The following TIAM1 variants were observed in gnomAD, a reference collection of about 807,000 sequenced individuals.
The protein encoded by TIAM1 is rho guanine nucleotide exchange factor TIAM1.
In TIAM1, 65 loss-of-function variants were observed where a neutral mutation model predicts 163.5. The observed-to-expected ratio is 0.40, with a 90% CI of 0.33 to 0.49. The LOEUF (loss-of-function observed/expected upper bound fraction) is 0.49. Among genes scored for constraint, TIAM1 ranks in the 20% least tolerant of loss-of-function variants. The pLI, the probability that TIAM1 is intolerant of heterozygous loss-of-function variation, is 0.77. For missense variants in TIAM1, 1,789 were observed against 2,044.7 expected (o/e 0.87, Z 2.41); for synonymous variants, 833 against 810.1 (o/e 1.03, Z -0.48).
chr21:31,504,149 G>C (rs531553523), intron 1 of TIAM1, among the ~76,000 whole-genome samples: 1 of 152,324 alleles, frequency 6.6e-6, no homozygotes, highest in Non-Finnish European at 1.5e-5. Flanking sequence ...CTGGCATGCT[G>C]TCTGTCTTGA....
chr21:31,284,549 C>T (rs763195942), intron 2 of TIAM1, among the ~76,000 whole-genome samples: 3 of 151,918 alleles, frequency 2.0e-5, no homozygotes, highest in Non-Finnish European at 4.4e-5. Flanking sequence ...GATGGAGTCT[C>T]GCTCTGTCAC....
intron 6 of TIAM1, among the ~76,000 whole-genome samples, chr21:31,240,538 T>G (rs1017866596): frequency 6.6e-6 from 1 of 152,124 alleles, no homozygotes; most frequent in Non-Finnish European, 1.5e-5. Flanking sequence ...CATTCCAAGG[T>G]AGATCTCTAC....
chr21:31,514,470 G>A (rs2047314098), intron 1 of TIAM1, among the ~76,000 whole-genome samples: 1 of 150,298 alleles, frequency 6.7e-6, no homozygotes, highest in Non-Finnish European at 1.5e-5. Flanking sequence ...CTGGGGTCAG[G>A]AGTTTGAGAC....
intron 2 of TIAM1, among the ~76,000 whole-genome samples, chr21:31,290,424 C>T (rs1022305299): frequency 6.6e-6 from 1 of 151,542 alleles, no homozygotes; most frequent in Non-Finnish European, 1.5e-5. Flanking sequence ...ACTTGAGGTC[C>T]GGAGTTCAAG....
At chr21:31,305,362 A>G (rs2074662827) in intron 2 of TIAM1, among the ~76,000 whole-genome samples, 1 of 152,128 alleles carries the variant, frequency 6.6e-6, no homozygotes, top group South Asian at 2.1e-4. Context: ...AGGACTCAGC[A>G]GCAAGGGGGT....
chr21:31,329,209 GT>G (rs1326046122), intron 2 of TIAM1, among the ~76,000 whole-genome samples: 1 of 152,212 alleles, frequency 6.6e-6, no homozygotes, highest in African/African-American at 2.4e-5. Context: ...TATCCAGAAT[GT>G]CAGTTCCCTG....
At chr21:31,275,219 G>A (rs780924689) in intron 3 of TIAM1, among the ~76,000 whole-genome samples, 7 of 151,716 alleles carry the variant, frequency 4.6e-5, no homozygotes, top group East Asian at 1.9e-4. Context: ...CAATTATTCC[G>A]GATGGATTGC....
intron 2 of TIAM1, among the ~76,000 whole-genome samples, chr21:31,304,566 G>C (rs1891783157): frequency 6.6e-6 from 1 of 152,180 alleles, no homozygotes; most frequent in Non-Finnish European, 1.5e-5. Context: ...TATCAACGTG[G>C]TTAAGATTCT....
intron 12 of TIAM1, among the ~76,000 whole-genome samples, chr21:31,202,273 C>T (rs750089134): frequency 3.3e-5 from 5 of 151,924 alleles, no homozygotes; most frequent in South Asian, 2.1e-4. Context: ...AAAGACTGGC[C>T]GTGCGCAGTG....
intron 1 of TIAM1, among the ~76,000 whole-genome samples, chr21:31,473,424 C>T (rs28407174): frequency 0.35 from 32,457 of 93,242 alleles, 4,313 homozygotes; most frequent in Middle Eastern, 0.44. Flanking sequence ...ATCAAGACTC[C>T]ATCTCAAAAA....
intron 2 of TIAM1, chr21:31,453,360 G>A (rs1374230130): frequency 6.3e-6 from 1 of 158,950 alleles, no homozygotes; most frequent in Non-Finnish European, 1.4e-5. Context: ...TCTATAGGTA[G>A]GGAGAACGGC....
chr21:31,557,904 G>C (rs1237590291), intron 1 of TIAM1, among the ~76,000 whole-genome samples: 1 of 152,126 alleles, frequency 6.6e-6, no homozygotes, highest in Non-Finnish European at 1.5e-5. Flanking sequence ...GCTGGGACAC[G>C]GGCGCCCCCG....
chr21:31,210,340 G>A (rs2146550584), intron 10 of TIAM1, 125 bp from the exon 11 acceptor site: 2 of 983,196 alleles, frequency 2.0e-6, no homozygotes, highest in Non-Finnish European at 3.0e-6. Flanking sequence ...GGAGGCAGTG[G>A]TGGGAGGCAG....
At chr21:31,375,702 C>CT (rs1432373433) in intron 2 of TIAM1, among the ~76,000 whole-genome samples, 5 of 151,988 alleles carry the variant, frequency 3.3e-5, no homozygotes, top group Admixed American at 6.6e-5. Flanking sequence ...CTGAGTTTCT[C>CT]TTTTTTTTAC....
intron 1 of TIAM1, among the ~76,000 whole-genome samples, chr21:31,503,953 G>T (rs2046947176): frequency 6.6e-6 from 1 of 152,056 alleles, no homozygotes; most frequent in Admixed American, 6.5e-5. Flanking sequence ...TCCAATGGAA[G>T]AGTTGGGATC....
chr21:31,318,563 A>G (rs1406889053), intron 2 of TIAM1, among the ~76,000 whole-genome samples: 1 of 152,232 alleles, frequency 6.6e-6, no homozygotes, highest in African/African-American at 2.4e-5. Flanking sequence ...AGCATCCAAG[A>G]ACCCAAAACC....
chr21:31,433,864 C>T (rs1462278292), intron 2 of TIAM1, among the ~76,000 whole-genome samples: 2 of 151,592 alleles, frequency 1.3e-5, no homozygotes, highest in African/African-American at 4.8e-5. Flanking sequence ...GTGGTTTGAT[C>T]TCGGCTCACT....
At chr21:31,216,224 C>T (rs182596782) in intron 9 of TIAM1, among the ~76,000 whole-genome samples, 99 of 152,280 alleles carry the variant, frequency 6.5e-4, no homozygotes, top group Non-Finnish European at 1.2e-3. Context: ...AGCTAAGGGA[C>T]TCAGGGCATC....
chr21:31,245,002 G>A lies in TIAM1; in HGVS notation c.1584+486C>T, dbSNP rs113552662. The stretch of plus-strand genomic sequence containing the variant: ...GAAATTCAAGGATGCTGAGTAGAAA[G>A]TTCTGATCAGATGAGGAAGAGAAAC... On this transcript the variant is annotated intron_variant, in intron 6 of 27. Transcript: ENST00000541036. Among the ~76,000 whole-genome samples, 1,487 of 152,218 alleles carry A rather than the reference G, an allele frequency of 9.8e-3. 14 individuals carry two copies. Among genetic ancestry groups the A allele is most frequent in the Middle Eastern group, 0.017 (5 of 294 alleles).
Sources: allele counts gnomAD v4.1 joint callset (sites outside exome capture counted in the v4.1 genomes callset), GRCh38; gene constraint gnomAD v4.1.1; transcripts MANE v1.5; gene names NCBI Gene and HGNC (gene_info 2026-07-23, HGNC 2026-07-21).